The following SCN11A variants were observed in gnomAD, a reference collection of about 807,000 sequenced individuals.
SCN11A encodes the protein sodium channel protein type 11 subunit alpha.
SCN11A carries 122 observed loss-of-function variants against 162.2 expected under a neutral mutation model. The ratio of observed to expected loss-of-function variants is 0.75; its 90% confidence interval spans 0.65 to 0.87. The LOEUF is 0.87. Ranked by LOEUF, SCN11A falls within the 40% of genes least tolerant of loss-of-function variation. SCN11A has a pLI of 0.00. For missense variants in SCN11A, 2,015 were observed against 2,181.6 expected, an observed-to-expected ratio of 0.92 and a Z score of 1.52; for synonymous variants, 758 against 751.5, an observed-to-expected ratio of 1.01 and a Z score of -0.14.
chr3:38,956,986 C>T (rs1460284638), intron 3 of SCN11A, among the ~76,000 whole-genome samples: 1 of 151,946 alleles, frequency 6.6e-6, no homozygotes, highest in Non-Finnish European at 1.5e-5. Flanking sequence ...TCATGGGGAG[C>T]CCAGAAGGAT....
chr3:38,860,386 A>G (rs2064944470), intron 28 of SCN11A, among the ~76,000 whole-genome samples: 1 of 152,150 alleles, frequency 6.6e-6, no homozygotes, highest in Non-Finnish European at 1.5e-5. Context: ...TCTCTAAATC[A>G]TTCTATGAAG....
intron 2 of SCN11A, among the ~76,000 whole-genome samples, chr3:39,027,175 A>C (rs2031609245): frequency 6.6e-6 from 1 of 152,174 alleles, no homozygotes. Flanking sequence ...GATGGGTAGA[A>C]TGAGGGACAT....
intron 7 of SCN11A, among the ~76,000 whole-genome samples, chr3:38,928,215 T>C (rs908682593): frequency 6.6e-6 from 1 of 152,106 alleles, no homozygotes; most frequent in African/African-American, 2.4e-5. Context: ...GAAGAAAAAT[T>C]TGAAAGTCAT....
In SCN11A at chr3:38,896,909, G is replaced by A. The variant is rs113359492; in HGVS notation, c.2339C>T (p.Ala780Val). Reference sequence around the variant, plus strand: ...AACACACAATGATGATGATGCATTCGCTTCTTGCATACATTCCCACATATT... The same window carrying A: ...AACACACAATGATGATGATGCATTCACTTCTTGCATACATTCCCACATATT... ...IENMWECMQE[A>V]NASSSLCVIV... is the part of the protein sequence containing the mutation. Residue 780 changes from alanine to valine, a missense_variant, in exon 18 of 30, where the codon GCG becomes GTG. Physicochemically the swap from Ala to Val is moderately conservative, Grantham distance 64. Transcript: ENST00000302328. 6.3e-5 allele frequency: 101 copies of A among 1,611,828 alleles called. 2 individuals are homozygous for A. Among genetic ancestry groups the A allele is most frequent in the African/African-American group, 5.0e-4 (37 of 74,230 alleles).
intron 3 of SCN11A, among the ~76,000 whole-genome samples, 53 bp downstream of exon 3, chr3:38,960,230 G>T (rs1307186096): frequency 6.6e-6 from 1 of 152,178 alleles, no homozygotes; most frequent in Non-Finnish European, 1.5e-5. Context: ...CCAGGTGGCA[G>T]GTCCCAGACT....
intron 2 of SCN11A, among the ~76,000 whole-genome samples, chr3:38,998,661 T>C (rs2030716018): frequency 6.6e-6 from 1 of 152,128 alleles, no homozygotes; most frequent in Admixed American, 6.5e-5. Flanking sequence ...CCAACCCAAA[T>C]GTCCAACAAT....
In SCN11A at chr3:39,039,010, T is replaced by C. The variant is rs143026902; in HGVS notation, c.-403-6507A>G. Among the ~76,000 whole-genome samples, 20 of 152,354 alleles carry C rather than the reference T, an allele frequency of 1.3e-4. No individual in the cohort carries two copies. In the East Asian group the frequency reaches 3.9e-3, roughly 29 times the overall value. ...CCAAGCATTTGGTAGATCTATCTGT[T>C]TAAAGATATACCAGCAGAACTATTT... On this transcript the variant is annotated intron_variant, in intron 1 of 29. Transcript: ENST00000302328.
intron 2 of SCN11A, among the ~76,000 whole-genome samples, chr3:39,007,162 T>C (rs1239262250): frequency 6.6e-6 from 1 of 152,156 alleles, no homozygotes; most frequent in Admixed American, 6.5e-5. Context: ...GATTTTAGAA[T>C]GCTGGGAAGA....
intron 2 of SCN11A, among the ~76,000 whole-genome samples, chr3:39,024,663 G>T (rs1246389746): frequency 6.6e-6 from 1 of 152,122 alleles, no homozygotes; most frequent in Non-Finnish European, 1.5e-5. Flanking sequence ...CATAAAAAAA[G>T]TTATCTGATC....
In SCN11A at chr3:38,878,934, GAGGTA is replaced by G. The variant is rs143208855; in HGVS notation, c.3393+1011_3393+1015del. ...TTAACTAATTACATCATGATGGAAA[GAGGTA>G]ATGTTAAAATCAAGGGCCCTGGAGT... On this transcript the variant is annotated intron_variant, in intron 23 of 29. Transcript: ENST00000302328. Among the ~76,000 whole-genome samples, 1,368 of 152,226 alleles carry G rather than the reference GAGGTA, an allele frequency of 9.0e-3. 26 individuals carry two copies. Among genetic ancestry groups the G allele is most frequent in the African/African-American group, 0.031 (1,301 of 41,554 alleles).
intron 2 of SCN11A, among the ~76,000 whole-genome samples, chr3:39,024,007 G>A (rs896135448): frequency 6.6e-6 from 1 of 152,144 alleles, no homozygotes; most frequent in African/African-American, 2.4e-5. Flanking sequence ...TGTCTCCATG[G>A]AGGAGTAGTG....
In SCN11A at chr3:38,897,439, G is replaced by A. The variant is rs78103918; in HGVS notation, c.2023-214C>T. On this transcript the variant is annotated intron_variant, in intron 17 of 29. Coordinates refer to ENST00000302328, the MANE Select transcript of SCN11A (RefSeq NM_001349253.2). ...TTATTTGAAAATGGAAACATTGGCC[G>A]GGCACAGTGGCTCACGCCTGTAATC... is the stretch of plus-strand genomic sequence containing the variant. Among the ~76,000 whole-genome samples, 2,591 of 152,196 alleles carry A rather than the reference G, an allele frequency of 0.017. 104 individuals are homozygous for A. In the East Asian group the frequency reaches 0.17, roughly 10 times the overall value.
At chr3:38,862,727 T>C (rs2064983600) in intron 28 of SCN11A, among the ~76,000 whole-genome samples, 1 of 151,986 alleles carries the variant, frequency 6.6e-6, no homozygotes, top group South Asian at 2.1e-4. Context: ...ATAATGGACT[T>C]CAGGGAATCA....
chr3:39,008,192 T>C (rs558704007), intron 2 of SCN11A, among the ~76,000 whole-genome samples: 4 of 152,338 alleles, frequency 2.6e-5, no homozygotes, highest in African/African-American at 9.6e-5. Flanking sequence ...ATAGCAACAT[T>C]GGGGTCTAAA....
intron 7 of SCN11A, among the ~76,000 whole-genome samples, chr3:38,929,168 CACACAT>C (rs371160390): frequency 0.46 from 68,393 of 148,706 alleles, 18,093 homozygotes; most frequent in Non-Finnish European, 0.59. Context: ...CACACACACA[CACACAT>C]GTTTGGGACT....
In SCN11A at chr3:38,846,040, G is replaced by A. The variant is rs2064655019; in HGVS notation, c.*654C>T. 1 of 152,184 alleles carries A rather than the reference G, an allele frequency of 6.6e-6. No individual in the cohort carries two copies. Among genetic ancestry groups the A allele is most frequent in the Non-Finnish European group, 1.5e-5 (1 of 68,032 alleles). The allele number at this position is 152,184 out of a possible 1,614,324, so 9.4% of individuals were successfully genotyped here. On this transcript the variant is annotated 3_prime_UTR_variant, in exon 30 of 30. Coordinates refer to ENST00000302328, the MANE Select transcript of SCN11A (RefSeq NM_001349253.2). ...CAAAAATGATGTATCTAGAAACATA[G>A]AAAATACAACTTAAAATTTTAATGT... is the stretch of plus-strand genomic sequence containing the variant.
chr3:38,887,238 T>C (rs1320594412), intron 19 of SCN11A, among the ~76,000 whole-genome samples: 1 of 151,940 alleles, frequency 6.6e-6, no homozygotes, highest in East Asian at 1.9e-4. Context: ...CTTCAGGCTG[T>C]AGAGTGACTA....
intron 3 of SCN11A, among the ~76,000 whole-genome samples, chr3:38,957,838 G>A (rs948551675): frequency 1.3e-5 from 2 of 152,236 alleles, no homozygotes; most frequent in African/African-American, 4.8e-5. Flanking sequence ...TAAAGCACCA[G>A]CCTTCCAGGG....
At chr3:38,968,256 G>T (rs909280206) in intron 2 of SCN11A, among the ~76,000 whole-genome samples, 2 of 152,134 alleles carry the variant, frequency 1.3e-5, no homozygotes, top group African/African-American at 4.8e-5. Flanking sequence ...ATGTTTACAT[G>T]CTGCTCTCTC....
Sources: allele counts gnomAD v4.1 joint callset (sites outside exome capture counted in the v4.1 genomes callset), GRCh38; gene constraint gnomAD v4.1.1; transcripts MANE v1.5; gene names NCBI Gene and HGNC (gene_info 2026-07-23, HGNC 2026-07-21).